Variants in MAPRE3 observed in about 807,000 individuals in gnomAD.
MAPRE3 encodes the protein microtubule-associated protein RP/EB family member 3.
A neutral mutation model predicts 30.5 loss-of-function variants in MAPRE3; 2 were observed. The ratio of observed to expected loss-of-function variants is 0.07; its 90% CI spans 0.03 to 0.21. MAPRE3 has a LOEUF of 0.21. Among genes scored for constraint, MAPRE3 ranks in the 10% least tolerant of loss-of-function variants. The pLI is 1.00. For synonymous variants in MAPRE3, 110 were observed against 127.7 expected (o/e 0.86, Z 0.93); for missense variants, 204 against 351.8 (o/e 0.58, Z 3.36).
intron 1 of MAPRE3, among the ~76,000 whole-genome samples, chr2:27,009,013 G>A (rs1236917551): frequency 6.6e-6 from 1 of 152,074 alleles, no homozygotes; most frequent in African/African-American, 2.4e-5. Flanking sequence ...ATAGAGTAAT[G>A]GGGAACAGGT....
chr2:26,979,796 G>T (rs967192573), intron 1 of MAPRE3, among the ~76,000 whole-genome samples: 2 of 152,188 alleles, frequency 1.3e-5, no homozygotes, highest in Non-Finnish European at 2.9e-5. Context: ...TGAGTTTGGA[G>T]AATATTGGTG....
At chr2:26,977,051 TA>T (rs1322241230) in intron 1 of MAPRE3, among the ~76,000 whole-genome samples, 3 of 152,142 alleles carry the variant, frequency 2.0e-5, no homozygotes, top group Non-Finnish European at 2.9e-5. Context: ...AGAAGAATAT[TA>T]ATACCAGAAC....
At chr2:26,991,571 A>G (rs372418566) in intron 1 of MAPRE3, among the ~76,000 whole-genome samples, 1 of 152,194 alleles carries the variant, frequency 6.6e-6, no homozygotes, top group East Asian at 1.9e-4. Flanking sequence ...GCCTGCCCCG[A>G]GGTAGTCCCT....
chr2:27,019,409 T>G (rs1572771480), intron 1 of MAPRE3, among the ~76,000 whole-genome samples: 3 of 150,646 alleles, frequency 2.0e-5, no homozygotes, highest in African/African-American at 4.9e-5. Context: ...GGCCAGAAGG[T>G]GATGAGACAT....
At position 26,986,143 on chromosome 2, in the gene MAPRE3, A is replaced by G. The variant is rs1191779952; in HGVS notation, c.-8+15341A>G. ...CGCGTCTTTGCCTCCTCCATCCTCTAAAGGCTGCCCACATTCACTGGCTCC... is the reference window on the plus strand; with the variant it reads ...CGCGTCTTTGCCTCCTCCATCCTCTGAAGGCTGCCCACATTCACTGGCTCC... On this transcript the variant is annotated intron_variant, in intron 1 of 6. Transcript: ENST00000233121. This position sits in a 1 kb window ranked among gnomAD's most constrained non-coding sequence, Gnocchi z 4.2. Among the ~76,000 whole-genome samples, 4 of 152,138 alleles carry G rather than the reference A, an allele frequency of 2.6e-5. No homozygotes were observed. In the East Asian group the frequency reaches 7.7e-4, roughly 29 times the overall value.
At position 27,026,469 on chromosome 2, in the gene MAPRE3, T is replaced by A. The variant is rs1042619919; in HGVS notation, c.*121T>A. On this transcript the variant is annotated 3_prime_UTR_variant, in exon 7 of 7. Coordinates refer to ENST00000233121, the MANE Select transcript of MAPRE3 (RefSeq NM_012326.4). ...GTGCTTTGTGTCAGTGCTGCAGCAC[T>A]GGGGAGCCAGGCGAGGGGGGCTTGG... 4.7e-6 allele frequency: 4 copies of A among 855,838 alleles called. No individual in the cohort carries two copies. In the African/African-American group the frequency reaches 6.8e-5, roughly 15 times the overall value. 53.0% of individuals were successfully genotyped at this position (855,838 alleles called of 1,614,324 possible). A position where few individuals can be genotyped will look rare whatever the true frequency, so the allele number is the denominator to read the frequency against.
At chr2:26,999,074 G>A (rs1190597337) in intron 1 of MAPRE3, among the ~76,000 whole-genome samples, 1 of 152,108 alleles carries the variant, frequency 6.6e-6, no homozygotes. Flanking sequence ...TAGGGAGACT[G>A]GCAGGAGGAA....
At position 27,024,140 on chromosome 2, in the gene MAPRE3, T is replaced by C; in HGVS notation, c.312T>C (p.Asn104=). The change falls in exon 4 of 7, where the codon AAT becomes AAC. Residue 104 remains asparagine (N), a synonymous_variant. Transcript: ENST00000233121. The part of the protein sequence containing the change: ...EKLVKGKFQD[N]FEFIQWFKKF... ...TAGTGAAAGGAAAATTCCAAGATAA[T>C]TTTGAGTTTATTCAGTGGTTTAAGA... 1 of 1,614,134 alleles carries C rather than the reference T, an allele frequency of 6.2e-7. No individual in the cohort carries two copies. The highest frequency in any genetic ancestry group is 8.5e-7 in the Non-Finnish European group (1 of 1,179,948).
chr2:26,995,457 T>TAG (rs767256368), intron 1 of MAPRE3: 1 of 152,192 alleles, frequency 6.6e-6, no homozygotes, highest in Non-Finnish European at 1.5e-5. Flanking sequence ...ATTATTCTTC[T>TAG]AGAAAGTAAG....
chr2:27,016,282 G>T (rs533698280), intron 1 of MAPRE3, among the ~76,000 whole-genome samples: 1 of 152,234 alleles, frequency 6.6e-6, no homozygotes, highest in East Asian at 1.9e-4. Context: ...TTGGGACAGA[G>T]CCTGCCCCCT....
intron 1 of MAPRE3, among the ~76,000 whole-genome samples, chr2:26,997,251 G>T (rs1313615708): frequency 6.6e-6 from 1 of 152,272 alleles, no homozygotes; most frequent in East Asian, 1.9e-4. Flanking sequence ...GCATTACTTA[G>T]ATCAAGCTTG....
At chr2:26,991,417 C>T (rs1311064365) in intron 1 of MAPRE3, among the ~76,000 whole-genome samples, 2 of 152,132 alleles carry the variant, frequency 1.3e-5, no homozygotes, top group Non-Finnish European at 2.9e-5. Flanking sequence ...ACCAATACTG[C>T]CTACAGCCTC....
At chr2:27,022,509 G>A in intron 2 of MAPRE3, 170 bp downstream of exon 2, 2 of 856,774 alleles carry the variant, frequency 2.3e-6, no homozygotes, top group South Asian at 1.7e-5. Context: ...ATCACAGAGT[G>A]TATTTACACA....
chr2:26,974,318 C>CT (rs1322433145), intron 1 of MAPRE3, among the ~76,000 whole-genome samples: 1 of 152,174 alleles, frequency 6.6e-6, no homozygotes, highest in Non-Finnish European at 1.5e-5. Context: ...GTCAAACTGT[C>CT]TAACTAAATA....
chr2:27,024,431 C>CCGCCTG, intron 4 of MAPRE3, 134 bp downstream of exon 4: 1 of 785,590 alleles, frequency 1.3e-6, no homozygotes, highest in East Asian at 2.7e-5. Flanking sequence ...TCGGATGACG[C>CCGCCTG]CGCCTGCTGG....
chr2:27,025,502 C>T (rs1040087367), intron 4 of MAPRE3, 81 bp from the exon 5 acceptor site: 16 of 1,416,366 alleles, frequency 1.1e-5, no homozygotes, highest in Admixed American at 9.2e-5. Context: ...GGCCTGCCCC[C>T]GCAGTCCTCA....
At chr2:26,988,441 T>C (rs1666263668) in intron 1 of MAPRE3, among the ~76,000 whole-genome samples, 1 of 152,214 alleles carries the variant, frequency 6.6e-6, no homozygotes, top group Non-Finnish European at 1.5e-5. Flanking sequence ...ATCATTGAAA[T>C]TTTTCAGCAA....
At chr2:26,973,398 C>T (rs368353572) in intron 1 of MAPRE3, among the ~76,000 whole-genome samples, 2 of 152,132 alleles carry the variant, frequency 1.3e-5, no homozygotes, top group African/African-American at 2.4e-5. Flanking sequence ...GGCTATTGAA[C>T]GGAGGAAAGT....
Position 27,022,404 on chromosome 2 carries a change from G to A in MAPRE3, c.121+65G>A, listed in dbSNP as rs1667126777. On this transcript the variant is annotated intron_variant, in intron 2 of 6. Transcript: ENST00000233121. The stretch of plus-strand genomic sequence containing the variant: ...GAAAGGAAAGAAAGGTCGGAAGGCA[G>A]AGCAGCCACAACAGGGAATATACAG... The A allele has an allele frequency of 2.0e-5, 32 of 1,591,486 alleles. No individual in the cohort carries two copies. In the South Asian group the frequency reaches 3.5e-4, roughly 17 times the overall value.
Sources: allele counts gnomAD v4.1 joint callset (sites outside exome capture counted in the v4.1 genomes callset), GRCh38; gene constraint gnomAD v4.1.1; non-coding constraint Gnocchi (gnomAD v3.1); transcripts MANE v1.5; gene names NCBI Gene and HGNC (gene_info 2026-07-23, HGNC 2026-07-21).